Variants in SLC25A25 observed in about 807,000 individuals in gnomAD.
SLC25A25 encodes solute carrier family 25 member 25, also known as mitochondrial adenyl nucleotide antiporter SLC25A25.
A neutral mutation model predicts 57.7 loss-of-function variants in SLC25A25; 32 were observed. That is an observed-to-expected ratio of 0.55 (90% confidence interval 0.42 to 0.74). SLC25A25 has a LOEUF of 0.74. Ranked by LOEUF, SLC25A25 falls within the 30% of genes least tolerant of loss-of-function variation. SLC25A25 has a pLI of 0.00. For missense variants in SLC25A25, 556 were observed against 701.3 expected, an observed-to-expected ratio of 0.79 and a Z score of 2.34; for synonymous variants, 306 against 291.2, an observed-to-expected ratio of 1.05 and a Z score of -0.52.
Position 128,068,453 on chromosome 9 carries a change from A to G in SLC25A25, c.134A>G (p.Asp45Gly). The change falls in exon 1 of 11, where the codon GAC becomes GGC. Residue 45 changes from aspartate (D) to glycine (G), a missense_variant. By Grantham distance (94) the Asp-to-Gly change is moderately conservative. This residue lies in a region of SLC25A25 where 248 missense variants were observed against 273.5 expected (regional missense o/e 0.91). Transcript: ENST00000373069. The part of the protein sequence containing the change: ...PCGGAICGGP[D>G]HRLRLWRLFQ... Reference sequence around the variant, plus strand: ...GGCGGCGCTATCTGCGGGGGCCCGGACCACCGGCTGCGCCTGTGGAGACTC... The same window carrying G: ...GGCGGCGCTATCTGCGGGGGCCCGGGCCACCGGCTGCGCCTGTGGAGACTC... The G allele has an allele frequency of 6.4e-7, 1 of 1,556,370 alleles. No homozygotes were observed. Among genetic ancestry groups the G allele is most frequent in the Non-Finnish European group, 8.6e-7 (1 of 1,161,814 alleles).
chr9:128,090,604 A>C (rs1833380211), intron 1 of SLC25A25, among the ~76,000 whole-genome samples: 1 of 149,120 alleles, frequency 6.7e-6, no homozygotes, highest in Non-Finnish European at 1.5e-5. Context: ...TGAGGTCAGG[A>C]GTTTGAGACC....
rs1467919199 is a variant in SLC25A25 at position 128,068,327 on chromosome 9, G to C, written c.8G>C (p.Ser3Thr). The change falls in exon 1 of 11, where the codon AGC becomes ACC. Residue 3 changes from serine to threonine, a missense_variant. Around this residue, in one of 3 missense-constraint regions of SLC25A25, gnomAD observed 248 missense variants for 273.5 expected, o/e 0.91. Transcript: ENST00000373069. Reference sequence around the variant, plus strand: ...GCCCCTGCCTCGCGCCCGATGGTGAGCAGTGTGTTGTGCCGCTGTGTGGCC... The same window carrying C: ...GCCCCTGCCTCGCGCCCGATGGTGACCAGTGTGTTGTGCCGCTGTGTGGCC... MV[S>T]SVLCRCVASP... 1 of 1,506,234 alleles carries C rather than the reference G, an allele frequency of 6.6e-7. No individual in the cohort carries two copies. Among genetic ancestry groups the C allele is most frequent in the Non-Finnish European group, 8.8e-7 (1 of 1,133,562 alleles). 93.3% of individuals were successfully genotyped at this position (1,506,234 alleles called of 1,614,324 possible). A position where few individuals can be genotyped will look rare whatever the true frequency, so the allele number is the denominator to read the frequency against.
chr9:128,102,555 C>A lies in SLC25A25; in HGVS notation c.624+74C>A. 1 of 1,240,502 alleles carries A rather than the reference C, an allele frequency of 8.1e-7. No homozygotes were observed. The highest frequency in any genetic ancestry group is 1.1e-6 in the Non-Finnish European group (1 of 872,418). 76.8% of individuals were successfully genotyped at this position (1,240,502 alleles called of 1,614,324 possible). ...CCCAGAGTCACCCAGTCGTCCCCAT[C>A]CCAGAGTGCAGCTGGGGCTTTCCAG... On this transcript the variant is annotated intron_variant, in intron 5 of 10. Coordinates refer to ENST00000373069, the MANE Select transcript of SLC25A25 (RefSeq NM_001330988.2). This position sits in a 1 kb window ranked among gnomAD's most constrained non-coding sequence, Gnocchi z 4.1.
chr9:128,079,135 T>A (rs537467723), intron 1 of SLC25A25, among the ~76,000 whole-genome samples: 1 of 152,282 alleles, frequency 6.6e-6, no homozygotes, highest in East Asian at 1.9e-4. Context: ...TTATCTACTT[T>A]AAGCTCTTGG....
rs573826984 is a variant in SLC25A25, at chr9:128,073,541, A to G, written c.261+4961A>G. Among the ~76,000 whole-genome samples the G allele has an allele frequency of 1.2e-4, 18 of 152,358 alleles. No individual in the cohort carries two copies. In the South Asian group the frequency reaches 3.7e-3, roughly 32 times the overall value. On this transcript the variant is annotated intron_variant, in intron 1 of 10. Transcript: ENST00000373069. ...TTTGTGGATGTTTATCAAAAGAGCC[A>G]GACTTAGATAAGACAGTCTACAGAA...
At chr9:128,094,181 G>A (rs1196622279) in intron 1 of SLC25A25, 1 of 152,116 alleles carries the variant, frequency 6.6e-6, no homozygotes, top group African/African-American at 2.4e-5. Context: ...TTGGTTCTCG[G>A]GCTTCTCAGT....
Position 128,108,105 on chromosome 9 carries a change from TGCCTG to T in SLC25A25, c.*669_*673del, listed in dbSNP as rs2130832572. The T allele has an allele frequency of 2.5e-6, 1 of 399,588 alleles. No individual in the cohort carries two copies. Among genetic ancestry groups the T allele is most frequent in the South Asian group, 1.3e-4 (1 of 7,886 alleles). The allele number at this position is 399,588 out of a possible 1,614,324, so 24.8% of individuals were successfully genotyped here. On this transcript the variant is annotated 3_prime_UTR_variant, in exon 11 of 11. Transcript: ENST00000373069. ...GCTTGGGAGTGCAGGGGGCTCGGGC[TGCCTG>T]GCCTGGCTGCACAGAAGGCAAGTGC... is the stretch of plus-strand genomic sequence containing the variant.
At chr9:128,100,920 C>G in intron 1 of SLC25A25, 176 bp from the exon 2 acceptor site, 1 of 801,140 alleles carries the variant, frequency 1.2e-6, no homozygotes, top group Non-Finnish European at 1.9e-6. Flanking sequence ...GGTGGTGGCT[C>G]TGGCATGTAA....
chr9:128,080,704 C>T (rs1224021840), intron 1 of SLC25A25, among the ~76,000 whole-genome samples: 4 of 152,156 alleles, frequency 2.6e-5, no homozygotes, highest in African/African-American at 4.8e-5. Flanking sequence ...GGATTACAGG[C>T]GTGAGCCACC....
intron 1 of SLC25A25, among the ~76,000 whole-genome samples, chr9:128,075,687 C>T (rs1832995541): frequency 6.6e-6 from 1 of 151,834 alleles, no homozygotes; most frequent in Admixed American, 6.6e-5. Context: ...ACTAAAAATA[C>T]AAAAACACTA....
Position 128,107,681 on chromosome 9 carries a change from G to A in SLC25A25, c.*237G>A. 1 of 442,562 alleles carries A rather than the reference G, an allele frequency of 2.3e-6. No homozygotes were observed. Among genetic ancestry groups the A allele is most frequent in the Non-Finnish European group, 3.9e-6 (1 of 253,826 alleles). The allele number at this position is 442,562 out of a possible 1,614,324, so 27.4% of individuals were successfully genotyped here. On this transcript the variant is annotated 3_prime_UTR_variant, in exon 11 of 11. Coordinates refer to ENST00000373069, the MANE Select transcript of SLC25A25 (RefSeq NM_001330988.2). ...ACCACAGGCATTCCTTAGGGTCCAG[G>A]GTCAGCAGGCTCCGGGCTCACATGT...
intron 1 of SLC25A25, among the ~76,000 whole-genome samples, chr9:128,097,176 G>C (rs115314108): frequency 6.6e-6 from 1 of 152,184 alleles, no homozygotes; most frequent in East Asian, 1.9e-4. Context: ...AGGAAGTGGC[G>C]CACTGTAGAA....
At position 128,099,032 on chromosome 9, in the gene SLC25A25, T is replaced by C. The variant is rs1177285762; in HGVS notation, c.262-2064T>C. The C allele has an allele frequency of 1.0e-6, 1 of 985,144 alleles. No homozygotes were observed. Among genetic ancestry groups the C allele is most frequent in the Non-Finnish European group, 1.2e-6 (1 of 829,898 alleles). 61.0% of individuals were successfully genotyped at this position (985,144 alleles called of 1,614,324 possible). On this transcript the variant is annotated intron_variant, in intron 1 of 10. Coordinates refer to ENST00000373069, the MANE Select transcript of SLC25A25 (RefSeq NM_001330988.2). The surrounding 1 kb of genome is among the most constrained non-coding windows in gnomAD (Gnocchi z 6.8). ...AGAAGTACAGAGCCAGAAAGGGACC[T>C]GGGGGGCAGGCCAGTAGTGCATGGG...
At chr9:128,088,294 G>A (rs997134585) in intron 1 of SLC25A25, among the ~76,000 whole-genome samples, 1 of 152,170 alleles carries the variant, frequency 6.6e-6, no homozygotes, top group African/African-American at 2.4e-5. Flanking sequence ...TGGCTGACAG[G>A]AACGGGAACT....
chr9:128,105,994 A>G (rs1834015370), intron 7 of SLC25A25, 113 bp downstream of exon 7: 1 of 1,538,476 alleles, frequency 6.5e-7, no homozygotes, highest in Non-Finnish European at 8.9e-7. Context: ...GTGGTACCCC[A>G]GGGACAGCAG....
At position 128,068,717 on chromosome 9, in the gene SLC25A25, A is replaced by C. The variant is rs1832836348; in HGVS notation, c.261+137A>C. On this transcript the variant is annotated intron_variant, in intron 1 of 10. Coordinates refer to ENST00000373069, the MANE Select transcript of SLC25A25 (RefSeq NM_001330988.2). ...AGGGTGCCCCCTGACTCACTGAGGG[A>C]CACCCCACTTATGCCCTGGTGGGAG... 11 of 989,188 alleles carry C rather than the reference A, an allele frequency of 1.1e-5. No homozygotes were observed. The South Asian group carries it at 2.6e-4, about 23-fold the overall frequency. 61.3% of individuals were successfully genotyped at this position (989,188 alleles called of 1,614,324 possible).
chr9:128,080,563 G>A (rs1833133443), intron 1 of SLC25A25, among the ~76,000 whole-genome samples: 1 of 151,266 alleles, frequency 6.6e-6, no homozygotes, highest in Non-Finnish European at 1.5e-5. Context: ...GGGATTACAG[G>A]CATGCGCCAC....
rs1014949654 is a variant in SLC25A25, at chr9:128,102,706, T to C, written c.624+225T>C. On this transcript the variant is annotated intron_variant, in intron 5 of 10. Coordinates refer to ENST00000373069, the MANE Select transcript of SLC25A25 (RefSeq NM_001330988.2). This position sits in a 1 kb window ranked among gnomAD's most constrained non-coding sequence, Gnocchi z 4.1. ...CCATCGTTCACACACACAGGCTTCC[T>C]CTTCCAGGAACACCCTCCGTCCCCA... Among the ~76,000 whole-genome samples, 2 of 152,178 alleles carry C rather than the reference T, an allele frequency of 1.3e-5. No homozygotes were observed. The highest frequency in any genetic ancestry group is 4.8e-5 in the African/African-American group (2 of 41,432).
In SLC25A25 at chr9:128,073,570, A is replaced by G. The variant is rs542833166; in HGVS notation, c.261+4990A>G. Among the ~76,000 whole-genome samples, 4 of 152,324 alleles carry G rather than the reference A, an allele frequency of 2.6e-5. No individual in the cohort carries two copies. In the South Asian group the frequency reaches 8.3e-4, roughly 32 times the overall value. ...TTAGATAAGACAGTCTACAGAAGAA[A>G]GCTCCTTTCCAAGAGATAGACATTA... is the stretch of plus-strand genomic sequence containing the variant. On this transcript the variant is annotated intron_variant, in intron 1 of 10. Coordinates refer to ENST00000373069, the MANE Select transcript of SLC25A25 (RefSeq NM_001330988.2).
Sources: gnomAD v4.1 joint callset for allele counts (sites outside exome capture counted in the v4.1 genomes callset) on GRCh38, gnomAD v4.1.1 for gene constraint, gnomAD v4.1.1 regional missense constraint, Gnocchi (gnomAD v3.1) non-coding constraint, MANE v1.5 for transcripts, NCBI Gene and HGNC (gene_info 2026-07-23, HGNC 2026-07-21) for gene names.